The following MMEL1 variants were observed in gnomAD, a reference collection of about 807,000 sequenced individuals.
MMEL1 encodes the protein membrane metalloendopeptidase like 1, also known as membrane metallo-endopeptidase-like 1.
In MMEL1, 98 loss-of-function variants were observed where a neutral mutation model predicts 117.1. The ratio of observed to expected loss-of-function variants is 0.84; its 90% CI spans 0.71 to 0.99. The LOEUF is 0.99. Among genes scored for constraint, MMEL1 ranks in the 50% least tolerant of loss-of-function variants. MMEL1 has a pLI of 0.00. For missense variants in MMEL1, 1,014 were observed against 1,049.1 expected, an observed-to-expected ratio of 0.97 and a Z score of 0.46; for synonymous variants, 390 against 415.1, an observed-to-expected ratio of 0.94 and a Z score of 0.74.
At chr1:2,611,203 G>T in intron 4 of MMEL1, 78 bp downstream of exon 4, 1 of 1,422,506 alleles carries the variant, frequency 7.0e-7, no homozygotes, top group Non-Finnish European at 9.6e-7. Context: ...CCTGGGCCTT[G>T]GGCGGGGCCT....
intron 11 of MMEL1, among the ~76,000 whole-genome samples, chr1:2,600,563 G>C (rs955068098): frequency 6.6e-6 from 1 of 151,958 alleles, no homozygotes; most frequent in Non-Finnish European, 1.5e-5. Flanking sequence ...GGCAAGGCTT[G>C]GTCATGGTGT....
Position 2,595,387 on chromosome 1 carries a change from G to A in MMEL1, c.1501-28C>T. ...GAGTGGGGAGGAGGGACTGGTCAGT[G>A]GGTGCCCCACTGCGGATGGAGTCAG... is the stretch of plus-strand genomic sequence containing the variant. On this transcript the variant is annotated intron_variant, in intron 15 of 23. Transcript: ENST00000378412. The surrounding 1 kb of genome is among the most constrained non-coding windows in gnomAD (Gnocchi z 4.8). 3.1e-6 allele frequency: 5 copies of A among 1,606,622 alleles called. 1 individual carries two copies. In the Middle Eastern group the frequency reaches 6.6e-4, roughly 213 times the overall value.
At chr1:2,603,779 T>A in intron 11 of MMEL1, 105 bp downstream of exon 11, 2 of 1,018,668 alleles carry the variant, frequency 2.0e-6, no homozygotes, top group Non-Finnish European at 2.9e-6. Flanking sequence ...GGGGAATGTT[T>A]CTGAGCTTAA....
intron 2 of MMEL1, among the ~76,000 whole-genome samples, chr1:2,626,512 A>G (rs1399413988): frequency 6.6e-6 from 1 of 152,274 alleles, no homozygotes; most frequent in Non-Finnish European, 1.5e-5. Flanking sequence ...GCCATAGATG[A>G]TACATAAATG....
intron 1 of MMEL1, among the ~76,000 whole-genome samples, chr1:2,630,837 TG>T (rs1188815032): frequency 6.7e-6 from 1 of 149,556 alleles, no homozygotes; most frequent in Non-Finnish European, 1.5e-5. Context: ...ATTATGTGCG[TG>T]GATATGCACC....
intron 10 of MMEL1, 82 bp from the exon 11 acceptor site, chr1:2,604,055 C>A: frequency 6.3e-7 from 1 of 1,579,654 alleles, no homozygotes; most frequent in Non-Finnish European, 8.6e-7. Flanking sequence ...CTGCTACCGG[C>A]CCACCCAGCA....
At chr1:2,622,387 C>A (rs1434364345) in intron 2 of MMEL1, among the ~76,000 whole-genome samples, 2 of 152,152 alleles carry the variant, frequency 1.3e-5, no homozygotes, top group Non-Finnish European at 2.9e-5. Context: ...ATGGCTGACA[C>A]CACTGGTCTG....
At position 2,605,575 on chromosome 1, in the gene MMEL1, C is replaced by G; in HGVS notation, c.799G>C (p.Gly267Arg). 1 of 1,612,798 alleles carries G rather than the reference C, an allele frequency of 6.2e-7. No individual in the cohort carries two copies. ...CCACCCACCTTCCGGTTGCTGCCGCCGTTGAAGTAGTACTCTCGGGAGGGC... is the reference window on the plus strand; with the variant it reads ...CCACCCACCTTCCGGTTGCTGCCGCGGTTGAAGTAGTACTCTCGGGAGGGC... The part of the protein sequence containing the change: ...GMPSREYYFN[G>R]GSNRKVREAY... The change falls in exon 9 of 24, where the codon GGC becomes CGC. Residue 267 changes from glycine (G) to arginine (R), a missense_variant. Transcript: ENST00000378412.
At chr1:2,620,422 T>C (rs1645272029) in intron 2 of MMEL1, among the ~76,000 whole-genome samples, 1 of 152,142 alleles carries the variant, frequency 6.6e-6, no homozygotes, top group South Asian at 2.1e-4. Flanking sequence ...CAAGCAGGGC[T>C]CCCCAAACTT....
intron 10 of MMEL1, 59 bp from the exon 11 acceptor site, chr1:2,604,032 G>A (rs1286698581): frequency 6.3e-6 from 10 of 1,591,880 alleles, no homozygotes; most frequent in Non-Finnish European, 6.9e-6. Flanking sequence ...GGGGCTCCTG[G>A]CCCAGTCCCT....
intron 13 of MMEL1, 124 bp downstream of exon 13, chr1:2,598,083 C>T (rs560133742): frequency 3.3e-5 from 30 of 907,366 alleles, no homozygotes; most frequent in Middle Eastern, 3.4e-4. Context: ...GTGGGCGCCT[C>T]GCCCTGCCTC....
intron 6 of MMEL1, among the ~76,000 whole-genome samples, chr1:2,608,562 T>G (rs977722435): frequency 6.6e-6 from 1 of 151,512 alleles, no homozygotes; most frequent in Non-Finnish European, 1.5e-5. Flanking sequence ...CATATACACA[T>G]GTACACAAGT....
intron 2 of MMEL1, among the ~76,000 whole-genome samples, chr1:2,623,047 T>C (rs1284526548): frequency 6.6e-6 from 1 of 151,916 alleles, no homozygotes; most frequent in African/African-American, 2.4e-5. Flanking sequence ...CACGCACCTG[T>C]AGTCCCAGCT....
Position 2,596,011 on chromosome 1 carries a change from TCTC to T in MMEL1, c.1495_1497del (p.Glu499del). Reference sequence around the variant, plus strand: ...CCTGACCTCTGCGAGCCACATACCTTCTCCTGCGCCTTCTTCTTGGACTCCTCG... The same window carrying T: ...CCTGACCTCTGCGAGCCACATACCTTCTGCGCCTTCTTCTTGGACTCCTCG... On this transcript the variant is annotated inframe_deletion, in exon 15 of 24. Transcript: ENST00000378412. 1 of 1,613,448 alleles carries T rather than the reference TCTC, an allele frequency of 6.2e-7. No individual in the cohort carries two copies. The highest frequency in any genetic ancestry group is 8.5e-7 in the Non-Finnish European group (1 of 1,179,714).
intron 2 of MMEL1, among the ~76,000 whole-genome samples, chr1:2,620,571 G>A (rs1354451349): frequency 6.6e-6 from 1 of 152,018 alleles, no homozygotes; most frequent in African/African-American, 2.4e-5. Flanking sequence ...GACTATTTGG[G>A]GATAGGGCCT....
chr1:2,591,354 T>TC (rs1644699612), intron 23 of MMEL1: 1 of 601,858 alleles, frequency 1.7e-6, no homozygotes, highest in South Asian at 2.0e-5. Flanking sequence ...TGCGGTAGGC[T>TC]CCCCCTTCCT....
rs1468953291 is a variant in MMEL1, at chr1:2,605,767, A to ACCCGGGAGGCCAGACCCTGC, written c.751-164_751-145dup. 50 of 357,694 alleles carry ACCCGGGAGGCCAGACCCTGC rather than the reference A, an allele frequency of 1.4e-4. No homozygotes were observed. The East Asian group carries it at 3.8e-3, about 27-fold the overall frequency. The allele number at this position is 357,694 out of a possible 1,614,324, so 22.2% of individuals were successfully genotyped here. A position where few individuals can be genotyped will look rare whatever the true frequency, so the allele number is the denominator to read the frequency against. The stretch of plus-strand genomic sequence containing the variant: ...GAGCTGGTGGTGGAGCTTGTGCCGG[A>ACCCGGGAGGCCAGACCCTGC]CCCGGGAGGCCAGACCCTGCCCCGA... On this transcript the variant is annotated intron_variant, in intron 8 of 23. Coordinates refer to ENST00000378412, the MANE Select transcript of MMEL1 (RefSeq NM_033467.4).
At chr1:2,600,868 A>T (rs1340433884) in intron 11 of MMEL1, among the ~76,000 whole-genome samples, 3 of 152,258 alleles carry the variant, frequency 2.0e-5, no homozygotes, top group Admixed American at 1.3e-4. Context: ...TTCTATTTAT[A>T]GTAGAAAACC....
chr1:2,601,990 G>A (rs1644939904), intron 11 of MMEL1, among the ~76,000 whole-genome samples: 2 of 152,206 alleles, frequency 1.3e-5, no homozygotes, highest in African/African-American at 2.4e-5. Flanking sequence ...GAACAGATGC[G>A]TGTGCTTCCA....
Sources: gnomAD v4.1 joint callset for allele counts (sites outside exome capture counted in the v4.1 genomes callset) on GRCh38, gnomAD v4.1.1 for gene constraint, Gnocchi (gnomAD v3.1) non-coding constraint, MANE v1.5 for transcripts, NCBI Gene and HGNC (gene_info 2026-07-23, HGNC 2026-07-21) for gene names.